ARIH2: variants seen among roughly 807,000 people sequenced by gnomAD.
ARIH2 encodes the protein ariadne RBR E3 ubiquitin protein ligase 2.
Under a neutral mutation model 79.8 loss-of-function variants are expected in ARIH2, and 12 were observed. That is an observed-to-expected ratio of 0.15 (90% confidence interval 0.10 to 0.24). The LOEUF (loss-of-function observed/expected upper bound fraction) is 0.24. Ranked by LOEUF, ARIH2 falls within the 10% of genes least tolerant of loss-of-function variation. The pLI is 1.00. For missense variants in ARIH2, 301 were observed against 618.3 expected, an observed-to-expected ratio of 0.49 and a Z score of 5.44; for synonymous variants, 224 against 213.9, an observed-to-expected ratio of 1.05 and a Z score of -0.41.
rs1485558372 is a variant in ARIH2, at chr3:48,927,832, T to G, written c.255+19T>G. The G allele has an allele frequency of 1.2e-6, 2 of 1,608,686 alleles. No homozygotes were observed. Among genetic ancestry groups the G allele is most frequent in the Non-Finnish European group, 1.7e-6 (2 of 1,176,268 alleles). ...CCTAAAGGTGAGCAGTGTTGTAAAC[T>G]CCAGTGTAATCCCCCCCAGTTAAAT... On this transcript the variant is annotated intron_variant, in intron 3 of 15. Transcript: ENST00000356401.
chr3:48,936,801 G>A (rs141360023), intron 3 of ARIH2, among the ~76,000 whole-genome samples: 123 of 151,794 alleles, frequency 8.1e-4, no homozygotes, highest in African/African-American at 2.8e-3. Context: ...AGGCCAAGGC[G>A]GGCGGATCAC....
intron 7 of ARIH2, among the ~76,000 whole-genome samples, chr3:48,969,182 T>C (rs941201368): frequency 3.3e-5 from 5 of 151,038 alleles, no homozygotes; most frequent in African/African-American, 4.8e-5. Context: ...CTCTTTCTTT[T>C]TTTTTTTTTT....
At position 48,970,592 on chromosome 3, in the gene ARIH2, C is replaced by T. The variant is rs1559838056; in HGVS notation, c.661-3C>T. 14 of 1,608,434 alleles carry T rather than the reference C, an allele frequency of 8.7e-6. No homozygotes were observed. The highest frequency in any genetic ancestry group is 1.7e-4 in the Middle Eastern group (1 of 6,056). On this transcript the variant is annotated splice_polypyrimidine_tract_variant and splice_region_variant and intron_variant, in intron 7 of 15. Coordinates refer to ENST00000356401, the MANE Select transcript of ARIH2 (RefSeq NM_006321.4). ...TCATTGTTTCCTCTTGGTGTGTTCA[C>T]AGAGTCATTACCAGCTCCAGCTGTG...
intron 3 of ARIH2, among the ~76,000 whole-genome samples, chr3:48,943,932 T>C (rs2088731638): frequency 6.6e-6 from 1 of 152,186 alleles, no homozygotes; most frequent in South Asian, 2.1e-4. Flanking sequence ...CAGGATGGGC[T>C]GTGGCTGCAG....
chr3:48,919,026 T>C, intron 1 of ARIH2, 28 bp downstream of exon 1: 1 of 1,386,066 alleles, frequency 7.2e-7, no homozygotes, highest in Non-Finnish European at 9.3e-7. Context: ...GTCACGGCCT[T>C]GTTTACCTTG....
intron 3 of ARIH2, among the ~76,000 whole-genome samples, chr3:48,954,710 G>T (rs1004178589): frequency 6.6e-6 from 1 of 152,206 alleles, no homozygotes; most frequent in African/African-American, 2.4e-5. Context: ...TGGAGAATGG[G>T]TTTGCTGGAA....
intron 3 of ARIH2, among the ~76,000 whole-genome samples, chr3:48,959,189 G>A (rs930401753): frequency 2.0e-5 from 3 of 150,540 alleles, no homozygotes; most frequent in Admixed American, 6.6e-5. Flanking sequence ...GGTGGTGGGC[G>A]CCTGTAGTCC....
chr3:48,967,204 G>A lies in ARIH2; in HGVS notation c.467G>A (p.Cys156Tyr). The change falls in exon 6 of 16, where the codon TGT becomes TAT. Residue 156 changes from cysteine to tyrosine, a missense_variant. Around this residue, in one of 2 missense-constraint regions of ARIH2, gnomAD observed 223 missense variants for 349.4 expected, o/e 0.64. Coordinates refer to ENST00000356401, the MANE Select transcript of ARIH2 (RefSeq NM_006321.4). ...AAGGAAAACCTACTCTCTCTGGCCT[G>A]TCAGCACCAGTTTTGCCGCAGCTGC... ...VRKENLLSLA[C>Y]QHQFCRSCWE... The A allele has an allele frequency of 6.2e-7, 1 of 1,614,232 alleles. No individual in the cohort carries two copies. The highest frequency in any genetic ancestry group is 8.5e-7 in the Non-Finnish European group (1 of 1,180,050).
chr3:48,972,742 C>G (rs1200208869), intron 8 of ARIH2, among the ~76,000 whole-genome samples: 1 of 152,074 alleles, frequency 6.6e-6, no homozygotes, highest in East Asian at 1.9e-4. Flanking sequence ...AAAACAGGGT[C>G]TCTCTCAGTT....
intron 3 of ARIH2, among the ~76,000 whole-genome samples, chr3:48,933,835 G>A (rs2086739070): frequency 6.6e-6 from 1 of 152,106 alleles, no homozygotes; most frequent in Non-Finnish European, 1.5e-5. Context: ...ACAGGTGTGA[G>A]CCACCGCGCC....
chr3:48,944,086 T>A (rs2088761478), intron 3 of ARIH2, among the ~76,000 whole-genome samples: 1 of 152,180 alleles, frequency 6.6e-6, no homozygotes. Context: ...GGAGGGGCAG[T>A]AACCAGCTCT....
At position 48,948,030 on chromosome 3, in the gene ARIH2, G is replaced by A. The variant is rs1477416456; in HGVS notation, c.256-13582G>A. Among the ~76,000 whole-genome samples, 8 of 151,632 alleles carry A rather than the reference G, an allele frequency of 5.3e-5. No individual in the cohort carries two copies. The South Asian group carries it at 1.0e-3, about 20-fold the overall frequency. On this transcript the variant is annotated intron_variant, in intron 3 of 15. Transcript: ENST00000356401. Reference sequence around the variant, plus strand: ...GGCTAGAGTGCAGTGGTGTGATCTCGGCTAACTGCAAGCTCCGCCTCCCAG... The same window carrying A: ...GGCTAGAGTGCAGTGGTGTGATCTCAGCTAACTGCAAGCTCCGCCTCCCAG...
Position 48,979,650 on chromosome 3 carries a change from G to T in ARIH2, c.1113+17G>T. On this transcript the variant is annotated intron_variant, in intron 12 of 15. Transcript: ENST00000356401. ...TTTGAGAGGGTAGGTGTCCTCTCCT[G>T]TACCTTCCCCTACAGGGTAGGCTTC... is the stretch of plus-strand genomic sequence containing the variant. 6.2e-7 allele frequency: 1 copy of T among 1,613,028 alleles called. No individual in the cohort carries two copies. The highest frequency in any genetic ancestry group is 8.5e-7 in the Non-Finnish European group (1 of 1,179,610).
intron 7 of ARIH2, among the ~76,000 whole-genome samples, chr3:48,970,252 G>A (rs1445909004): frequency 1.3e-5 from 2 of 151,886 alleles, no homozygotes; most frequent in East Asian, 1.9e-4. Context: ...GGAATGCATC[G>A]GTGCAATCAG....
intron 14 of ARIH2, 22 bp downstream of exon 14, chr3:48,981,750 A>C (rs376811692): frequency 1.9e-5 from 31 of 1,599,062 alleles, no homozygotes; most frequent in Admixed American, 3.3e-5. Context: ...CAATTTTTCT[A>C]CTCTGTCCCG....
At chr3:48,946,376 G>A (rs1460933254) in intron 3 of ARIH2, among the ~76,000 whole-genome samples, 2 of 151,800 alleles carry the variant, frequency 1.3e-5, no homozygotes, top group East Asian at 4.0e-4. Context: ...TGTTTTGAGG[G>A]CCTGTGTCAG....
intron 3 of ARIH2, among the ~76,000 whole-genome samples, chr3:48,947,441 CAAA>C (rs71077757): frequency 6.7e-5 from 8 of 118,978 alleles, no homozygotes; most frequent in Non-Finnish European, 8.4e-5. Context: ...AACTCTGTCT[CAAA>C]AAAAAAAAAA....
At chr3:48,938,913 C>CAAAAAA (rs1158929356) in intron 3 of ARIH2, among the ~76,000 whole-genome samples, 1 of 54,390 alleles carries the variant, frequency 1.8e-5, no homozygotes, top group Non-Finnish European at 3.3e-5. Context: ...GTCTTTAGAC[C>CAAAAAA]AAAAAAAAAA....
Position 48,958,708 on chromosome 3 carries a change from C to CA in ARIH2, c.256-2896dup, listed in dbSNP as rs1257716358. Among the ~76,000 whole-genome samples, 11 of 150,126 alleles carry CA rather than the reference C, an allele frequency of 7.3e-5. No homozygotes were observed. The East Asian group carries it at 2.2e-3, about 29-fold the overall frequency. On this transcript the variant is annotated intron_variant, in intron 3 of 15. Transcript: ENST00000356401. ...AGGGCAACAGAAGGAGACTCCATCT[C>CA]AAAAAAAAGAAAAAAAGGTAAGGCC...
Sources: allele counts gnomAD v4.1 joint callset (sites outside exome capture counted in the v4.1 genomes callset), GRCh38; gene constraint gnomAD v4.1.1; regional missense constraint gnomAD v4.1.1; transcripts MANE v1.5; gene names NCBI Gene and HGNC (gene_info 2026-07-23, HGNC 2026-07-21).